PITPNM3: variants seen among roughly 807,000 people sequenced by gnomAD.
PITPNM3 encodes the protein membrane-associated phosphatidylinositol transfer protein 3.
Under a neutral mutation model 102.0 loss-of-function variants are expected in PITPNM3, and 26 were observed. The observed-to-expected ratio is 0.25, with a 90% CI of 0.19 to 0.35. The LOEUF (loss-of-function observed/expected upper bound fraction) is 0.35. Ranked by LOEUF, PITPNM3 falls within the 10% of genes least tolerant of loss-of-function variation. The pLI, the probability that PITPNM3 is intolerant of heterozygous loss-of-function variation, is 1.00. For synonymous variants in PITPNM3, 578 were observed against 558.6 expected, an observed-to-expected ratio of 1.03 and a Z score of -0.49; for missense variants, 1,083 against 1,346.1, an observed-to-expected ratio of 0.80 and a Z score of 3.06.
At chr17:6,515,610 G>A (rs1908121377) in intron 3 of PITPNM3, among the ~76,000 whole-genome samples, 1 of 152,106 alleles carries the variant, frequency 6.6e-6, no homozygotes, top group African/African-American at 2.4e-5. Flanking sequence ...TGGCAGCTGT[G>A]TGCCTCCTTA....
chr17:6,486,637 CG>C (rs1410288441), intron 4 of PITPNM3, among the ~76,000 whole-genome samples: 1 of 152,168 alleles, frequency 6.6e-6, no homozygotes, highest in Non-Finnish European at 1.5e-5. Flanking sequence ...TCCTGGGGCC[CG>C]GCTGTGCCCA....
chr17:6,479,171 A>G (rs1470938703), intron 6 of PITPNM3: 2 of 175,626 alleles, frequency 1.1e-5, no homozygotes, highest in Admixed American at 5.7e-5. Flanking sequence ...GAAGCTGGGA[A>G]AGGAGGAGAG....
In PITPNM3 at chr17:6,468,451, C is replaced by A; in HGVS notation, c.1774-110G>T. The A allele has an allele frequency of 1.9e-6, 2 of 1,075,350 alleles. No homozygotes were observed. The highest frequency in any genetic ancestry group is 2.9e-6 in the Non-Finnish European group (2 of 698,444). The allele number at this position is 1,075,350 out of a possible 1,614,324, so 66.6% of individuals were successfully genotyped here. Reference sequence around the variant, plus strand: ...GCCAGCTGGGCCCTGCCCCTGCAACCCCCCAACCTCACAGCCTGGAACCGT... The same window carrying A: ...GCCAGCTGGGCCCTGCCCCTGCAACACCCCAACCTCACAGCCTGGAACCGT... On this transcript the variant is annotated intron_variant, in intron 13 of 19. Transcript: ENST00000262483. This position sits in a 1 kb window ranked among gnomAD's most constrained non-coding sequence, Gnocchi z 5.2.
chr17:6,481,985 CCTCTCTCTCTCTCTCTCTCT>C lies in PITPNM3; in HGVS notation c.587+1512_587+1531del, dbSNP rs773528111. Among the ~76,000 whole-genome samples the C allele has an allele frequency of 0.013, 734 of 56,152 alleles. 25 individuals carry two copies. The East Asian group carries it at 0.15, about 11-fold the overall frequency. 36.8% of individuals were successfully genotyped at this position (56,152 alleles called of 152,430 possible). On this transcript the variant is annotated intron_variant, in intron 6 of 19. Coordinates refer to ENST00000262483, the MANE Select transcript of PITPNM3 (RefSeq NM_031220.4). ...GGCACTTAGCCCTAGGAAAACAGAACCTCTCTCTCTCTCTCTCTCTCTCTCTCTCTCTCTCTCTCTCTCTC... is the reference window on the plus strand; with the variant it reads ...GGCACTTAGCCCTAGGAAAACAGAACCTCTCTCTCTCTCTCTCTCTCTCTC...
rs2150726174 is a variant in PITPNM3 at position 6,472,078 on chromosome 17, C to T, written c.1429+579G>A. On this transcript the variant is annotated intron_variant, in intron 11 of 19. Coordinates refer to ENST00000262483, the MANE Select transcript of PITPNM3 (RefSeq NM_031220.4). This position sits in a 1 kb window ranked among gnomAD's most constrained non-coding sequence, Gnocchi z 4.1. The stretch of plus-strand genomic sequence containing the variant: ...CTCCGATTTCCAAGCTGCTGACTGT[C>T]CATTACAGGTCTCCCATCGACGATA... 6.6e-6 allele frequency among the ~76,000 whole-genome samples: 1 copy of T among 152,324 alleles called. No individual in the cohort carries two copies. The highest frequency in any genetic ancestry group is 6.5e-5 in the Admixed American group (1 of 15,304).
chr17:6,495,942 G>A (rs555829893), intron 4 of PITPNM3, among the ~76,000 whole-genome samples: 1 of 152,282 alleles, frequency 6.6e-6, no homozygotes, highest in Admixed American at 6.5e-5. Context: ...GACTCAGCCC[G>A]AGGCCGAGGC....
chr17:6,455,421 G>T lies in PITPNM3; in HGVS notation c.2842C>A (p.Pro948Thr). Residue 948 changes from proline (P) to threonine (T), a missense_variant, in exon 20 of 20, where the codon CCC becomes ACC. Pro to Thr is a conservative substitution (Grantham distance 38). This residue lies in a region of PITPNM3 where 208 missense variants were observed against 178.2 expected (regional missense o/e 1.17). Transcript: ENST00000262483. ...CGCTCGTGGTCTTTGTCCGACTCGG[G>T]CTGGCTCTGGGCCCGCTCGGGCTTG... ...NPKPERAQSQ[P>T]ESDKDHERPL... is the part of the protein sequence containing the mutation. 3 of 1,602,316 alleles carry T rather than the reference G, an allele frequency of 1.9e-6. No individual in the cohort carries two copies. The highest frequency in any genetic ancestry group is 2.5e-6 in the Non-Finnish European group (3 of 1,177,478).
chr17:6,526,139 C>A (rs1223974025), intron 2 of PITPNM3, among the ~76,000 whole-genome samples: 2 of 152,184 alleles, frequency 1.3e-5, no homozygotes, highest in Admixed American at 6.5e-5. Flanking sequence ...TTCCTCCATT[C>A]TCTCCCACTC....
intron 2 of PITPNM3, among the ~76,000 whole-genome samples, chr17:6,528,618 T>C (rs1908973906): frequency 6.6e-6 from 1 of 152,070 alleles, no homozygotes; most frequent in African/African-American, 2.4e-5. Flanking sequence ...TCCCTCCTGC[T>C]CCCTCTCACT....
intron 6 of PITPNM3, among the ~76,000 whole-genome samples, chr17:6,483,266 GC>G (rs2150737106): frequency 6.6e-6 from 1 of 152,100 alleles, no homozygotes; most frequent in Non-Finnish European, 1.5e-5. Context: ...CTTTATCTGG[GC>G]CAAACAGATC....
chr17:6,545,078 T>C (rs555137995), intron 1 of PITPNM3, among the ~76,000 whole-genome samples: 1 of 152,182 alleles, frequency 6.6e-6, no homozygotes, highest in Non-Finnish European at 1.5e-5. Context: ...CCCACCTGAC[T>C]GCTTCCAGCC....
In PITPNM3 at chr17:6,474,608, C is replaced by T. The variant is rs573198318; in HGVS notation, c.1086-4G>A. The stretch of plus-strand genomic sequence containing the variant: ...CTTTAGCACGCTGGAGTGGATGCTG[C>T]GGAGGGAGGAGGACGCAGGGCAGGG... On this transcript the variant is annotated splice_region_variant and splice_polypyrimidine_tract_variant and intron_variant, in intron 9 of 19. Transcript: ENST00000262483. The T allele has an allele frequency of 7.1e-6, 11 of 1,558,846 alleles. No individual in the cohort carries two copies. In the East Asian group the frequency reaches 1.2e-4, roughly 17 times the overall value.
intron 4 of PITPNM3, among the ~76,000 whole-genome samples, chr17:6,494,632 T>C (rs76874791): frequency 1.3e-5 from 2 of 152,188 alleles, no homozygotes; most frequent in Non-Finnish European, 2.9e-5. Flanking sequence ...CTTTTTTTTT[T>C]CCACCTGTCA....
rs1035745910 is a variant in PITPNM3, at chr17:6,556,489, G to T, written c.-83C>A. Reference sequence around the variant, plus strand: ...GCCCCGACCGCCTCCGGCCCCGAACGGACTCCGAGCGCCGCGCCCGCGCCC... The same window carrying T: ...GCCCCGACCGCCTCCGGCCCCGAACTGACTCCGAGCGCCGCGCCCGCGCCC... On this transcript the variant is annotated 5_prime_UTR_variant, in exon 1 of 20. Transcript: ENST00000262483. This position sits in a 1 kb window ranked among gnomAD's most constrained non-coding sequence, Gnocchi z 5.2. 27 of 972,244 alleles carry T rather than the reference G, an allele frequency of 2.8e-5. No individual in the cohort carries two copies. The highest frequency in any genetic ancestry group is 1.9e-4 in the South Asian group (4 of 21,414). The allele number at this position is 972,244 out of a possible 1,614,324, so 60.2% of individuals were successfully genotyped here.
chr17:6,551,048 G>A (rs749083202), intron 1 of PITPNM3, among the ~76,000 whole-genome samples: 4 of 152,220 alleles, frequency 2.6e-5, no homozygotes, highest in Non-Finnish European at 5.9e-5. Context: ...CCCAGACTGC[G>A]GGAAAGCTTT....
intron 2 of PITPNM3, among the ~76,000 whole-genome samples, chr17:6,534,444 C>T (rs1909304239): frequency 6.6e-6 from 1 of 152,224 alleles, no homozygotes; most frequent in African/African-American, 2.4e-5. Flanking sequence ...CCAAGGGCCT[C>T]TCCAGGTGAA....
At chr17:6,552,763 T>C (rs1234793561) in intron 1 of PITPNM3, among the ~76,000 whole-genome samples, 1 of 33,296 alleles carries the variant, frequency 3.0e-5, no homozygotes, top group Non-Finnish European at 7.2e-5. Context: ...TTTCTTTTTC[T>C]TTTTTTTTTT....
chr17:6,510,783 T>G (rs1907823290), intron 3 of PITPNM3, among the ~76,000 whole-genome samples: 1 of 152,192 alleles, frequency 6.6e-6, no homozygotes, highest in Non-Finnish European at 1.5e-5. Context: ...GTGCTGGGCA[T>G]GAGGACAGTG....
chr17:6,483,444 G>A, intron 6 of PITPNM3, 73 bp downstream of exon 6: 1 of 1,427,528 alleles, frequency 7.0e-7, no homozygotes, highest in South Asian at 1.2e-5. Flanking sequence ...CGGGGTCCAT[G>A]CTGCAGGGGG....
Sources: gnomAD v4.1 joint callset for allele counts (sites outside exome capture counted in the v4.1 genomes callset) on GRCh38, gnomAD v4.1.1 for gene constraint, gnomAD v4.1.1 regional missense constraint, Gnocchi (gnomAD v3.1) non-coding constraint, MANE v1.5 for transcripts, NCBI Gene and HGNC (gene_info 2026-07-23, HGNC 2026-07-21) for gene names.